The following FBXO15 variants were observed in gnomAD, a reference collection of about 807,000 sequenced individuals.
FBXO15 encodes F-box protein 15, also known as F-box only protein 15.
A neutral mutation model predicts 49.5 loss-of-function variants in FBXO15; 30 were observed. The ratio of observed to expected loss-of-function variants is 0.61; its 90% confidence interval spans 0.45 to 0.82. The LOEUF is 0.82. Among genes scored for constraint, FBXO15 ranks in the 40% least tolerant of loss-of-function variants. The pLI is 0.00. For missense variants in FBXO15, 591 were observed against 631.5 expected (o/e 0.94, Z 0.69); for synonymous variants, 250 against 232.7 (o/e 1.07, Z -0.68).
intron 8 of FBXO15, among the ~76,000 whole-genome samples, chr18:74,089,793 T>C (rs1325874656): frequency 6.6e-6 from 1 of 152,224 alleles, no homozygotes; most frequent in East Asian, 1.9e-4. Context: ...GATTAGCTTT[T>C]TGATGTGCTG....
chr18:74,142,602 T>A (rs372728860), intron 1 of FBXO15, among the ~76,000 whole-genome samples: 3 of 152,306 alleles, frequency 2.0e-5, no homozygotes, highest in African/African-American at 7.2e-5. Flanking sequence ...ATAACTCTAA[T>A]CTCTGCCCCC....
rs1978683750 is a variant in FBXO15, at chr18:74,135,866, T to G, written c.228A>C (p.Gly76=). 1.2e-6 allele frequency: 2 copies of G among 1,606,340 alleles called. No homozygotes were observed. Among genetic ancestry groups the G allele is most frequent in the Non-Finnish European group, 1.7e-6 (2 of 1,178,144 alleles). ...TCTTCAGCAAGATTTCTGAAGGCAT[T>G]CTGCAAAAACAGAAAAAGAAAAAAA... ...SFSCCSGFLD[G]MPSEILLKIF... The change falls in exon 3 of 10, where the codon GGA becomes GGC. Residue 76 remains glycine (G), a splice_region_variant and synonymous_variant. Coordinates refer to ENST00000419743, the MANE Select transcript of FBXO15 (RefSeq NM_001142958.2).
chr18:74,075,565 C>T lies in FBXO15; in HGVS notation c.1264-1835G>A, dbSNP rs1912224368. Reference sequence around the variant, plus strand: ...CAGACAACCCTCTCCAAAGAGCTGTCTCCGCTGGATTTGTCCATTAATACC... The same window carrying T: ...CAGACAACCCTCTCCAAAGAGCTGTTTCCGCTGGATTTGTCCATTAATACC... On this transcript the variant is annotated intron_variant, in intron 9 of 9. Coordinates refer to ENST00000419743, the MANE Select transcript of FBXO15 (RefSeq NM_001142958.2). The surrounding 1 kb of genome is among the most constrained non-coding windows in gnomAD (Gnocchi z 4.1). Among the ~76,000 whole-genome samples the T allele has an allele frequency of 6.6e-6, 1 of 152,234 alleles. No homozygotes were observed. Among genetic ancestry groups the T allele is most frequent in the Non-Finnish European group, 1.5e-5 (1 of 68,044 alleles).
chr18:74,110,646 C>A, intron 8 of FBXO15, among the ~76,000 whole-genome samples: 1 of 150,608 alleles, frequency 6.6e-6, no homozygotes, highest in African/African-American at 2.4e-5. Flanking sequence ...AAAAACAAGA[C>A]CTAACTATAT....
At chr18:74,132,271 G>A (rs1290713291) in intron 3 of FBXO15, among the ~76,000 whole-genome samples, 1 of 152,176 alleles carries the variant, frequency 6.6e-6, no homozygotes, top group Non-Finnish European at 1.5e-5. Flanking sequence ...GCTTGCTTGT[G>A]TTTTCTTCAC....
At chr18:74,125,922 T>C (rs1914687673) in intron 6 of FBXO15, 53 bp downstream of exon 6, 3 of 1,596,788 alleles carry the variant, frequency 1.9e-6, no homozygotes, top group Non-Finnish European at 2.6e-6. Flanking sequence ...GGTAAGTAAA[T>C]GTGGTATTGT....
chr18:74,108,628 G>A (rs567040299), intron 8 of FBXO15, among the ~76,000 whole-genome samples: 1 of 151,800 alleles, frequency 6.6e-6, no homozygotes, highest in Non-Finnish European at 1.5e-5. Flanking sequence ...GAAGGAAACG[G>A]AAGAAATACT....
In FBXO15 at chr18:74,073,445, A is replaced by G. The variant is rs1279548316; in HGVS notation, c.*16T>C. 1 of 1,601,976 alleles carries G rather than the reference A, an allele frequency of 6.2e-7. No homozygotes were observed. Among genetic ancestry groups the G allele is most frequent in the East Asian group, 2.2e-5 (1 of 44,760 alleles). On this transcript the variant is annotated 3_prime_UTR_variant, in exon 10 of 10. Transcript: ENST00000419743. ...AAATAAACAACTAAATAACAACAAT[A>G]ATTTGCCACCTACTGCTAATATTCA...
At chr18:74,147,268 C>G (rs1475664140) in intron 1 of FBXO15, 1 of 156,850 alleles carries the variant, frequency 6.4e-6, no homozygotes, top group East Asian at 1.9e-4. Context: ...CTCTACTTCC[C>G]TAAGTTGTAA....
chr18:74,105,804 G>A (rs1287420678), intron 8 of FBXO15, among the ~76,000 whole-genome samples: 1 of 152,028 alleles, frequency 6.6e-6, no homozygotes, highest in Non-Finnish European at 1.5e-5. Context: ...GAACAATAAA[G>A]CAAGGTATGT....
At chr18:74,138,937 A>C (rs1305177772) in intron 2 of FBXO15, among the ~76,000 whole-genome samples, 2 of 152,134 alleles carry the variant, frequency 1.3e-5, no homozygotes, top group Non-Finnish European at 2.9e-5. Context: ...GAGGTAAACA[A>C]ATAAACAAGA....
intron 8 of FBXO15, among the ~76,000 whole-genome samples, chr18:74,112,579 C>T (rs1352509522): frequency 6.6e-6 from 1 of 152,206 alleles, no homozygotes; most frequent in Non-Finnish European, 1.5e-5. Flanking sequence ...AAACTCGAAA[C>T]TTTCTCATTA....
chr18:74,120,640 CAT>C (rs1914430890), intron 8 of FBXO15, among the ~76,000 whole-genome samples: 1 of 152,004 alleles, frequency 6.6e-6, no homozygotes, highest in Non-Finnish European at 1.5e-5. Context: ...TGAAATAAAA[CAT>C]ATCAGATTTT....
chr18:74,091,784 C>T (rs1042758183), intron 8 of FBXO15, among the ~76,000 whole-genome samples: 6 of 152,284 alleles, frequency 3.9e-5, no homozygotes, highest in East Asian at 1.9e-4. Flanking sequence ...TTGCAGGTAA[C>T]ATGCCCCTTC....
chr18:74,123,579 A>G (rs1260521588), intron 7 of FBXO15, 69 bp from the exon 8 acceptor site: 2 of 1,519,716 alleles, frequency 1.3e-6, no homozygotes, highest in African/African-American at 2.8e-5. Flanking sequence ...GTTTGAAAAT[A>G]CTTTTTAAAA....
At chr18:74,095,057 C>T (rs371923252) in intron 8 of FBXO15, among the ~76,000 whole-genome samples, 14 of 152,372 alleles carry the variant, frequency 9.2e-5, no homozygotes, top group African/African-American at 3.4e-4. Flanking sequence ...TTTTCTTCTG[C>T]AGCTTCCTAC....
intron 8 of FBXO15, among the ~76,000 whole-genome samples, chr18:74,119,235 C>T (rs971689218): frequency 2.6e-5 from 4 of 152,170 alleles, no homozygotes; most frequent in Non-Finnish European, 4.4e-5. Flanking sequence ...AAGATCCTGG[C>T]CAATGCGGCT....
intron 8 of FBXO15, among the ~76,000 whole-genome samples, chr18:74,118,315 G>A (rs1914320254): frequency 6.6e-6 from 1 of 150,902 alleles, no homozygotes; most frequent in African/African-American, 2.4e-5. Context: ...GTAGGCCAGG[G>A]TGTGGTGGCT....
At chr18:74,141,319 A>C (rs143701104) in intron 1 of FBXO15, among the ~76,000 whole-genome samples, 34 of 152,306 alleles carry the variant, frequency 2.2e-4, no homozygotes, top group African/African-American at 7.2e-4. Context: ...GAATGGTTAC[A>C]CTATTTCTCT....
Sources: gnomAD v4.1 joint callset for allele counts (sites outside exome capture counted in the v4.1 genomes callset) on GRCh38, gnomAD v4.1.1 for gene constraint, Gnocchi (gnomAD v3.1) non-coding constraint, MANE v1.5 for transcripts, NCBI Gene and HGNC (gene_info 2026-07-23, HGNC 2026-07-21) for gene names.